PCDHB1: variants seen among roughly 807,000 people sequenced by gnomAD.
The protein encoded by PCDHB1 is protocadherin beta-1.
In PCDHB1, 44 loss-of-function variants were observed where a neutral mutation model predicts 43.5. The ratio of observed to expected loss-of-function variants is 1.01; its 90% CI spans 0.79 to 1.30. The LOEUF is 1.30. Ranked by LOEUF, PCDHB1 falls within the 50% of genes most tolerant of loss-of-function variation. The pLI, the probability that PCDHB1 is intolerant of heterozygous loss-of-function variation, is 0.00. For synonymous variants in PCDHB1, 392 were observed against 400.8 expected, an observed-to-expected ratio of 0.98 and a Z score of 0.26; for missense variants, 919 against 1,008.9, an observed-to-expected ratio of 0.91 and a Z score of 1.21.
Position 141,052,381 on chromosome 5 carries a change from G to C in PCDHB1, c.911G>C (p.Arg304Thr), listed in dbSNP as rs782718422. Reference protein sequence around the residue: ...IDPQNGEVRLRGPLDFEAIET... With the variant: ...IDPQNGEVRLTGPLDFEAIET... Reference sequence around the variant, plus strand: ...CCTCAAAATGGAGAAGTTCGACTAAGAGGACCCCTCGATTTTGAAGCCATT... The same window carrying C: ...CCTCAAAATGGAGAAGTTCGACTAACAGGACCCCTCGATTTTGAAGCCATT... Residue 304 changes from arginine to threonine, a missense_variant, in exon 1 of 1, where the codon AGA becomes ACA. Arg to Thr is a moderately conservative substitution (Grantham distance 71). Coordinates refer to ENST00000306549, the MANE Select transcript of PCDHB1 (RefSeq NM_013340.4). 5.0e-6 allele frequency: 8 copies of C among 1,614,092 alleles called. No individual in the cohort carries two copies. Among genetic ancestry groups the C allele is most frequent in the Admixed American group, 1.7e-5 (1 of 60,006 alleles).
In PCDHB1 at chr5:141,054,174, G is replaced by A. The variant is rs1751073313; in HGVS notation, c.*247G>A. Reference sequence around the variant, plus strand: ...CAGTTGGAATTCTGTTTAAAGAAATGTCACCCTCTATAAATGCATATGTGG... The same window carrying A: ...CAGTTGGAATTCTGTTTAAAGAAATATCACCCTCTATAAATGCATATGTGG... On this transcript the variant is annotated 3_prime_UTR_variant, in exon 1 of 1. Transcript: ENST00000306549. 7.1e-6 allele frequency: 3 copies of A among 422,108 alleles called. No individual in the cohort carries two copies. Among genetic ancestry groups the A allele is most frequent in the Admixed American group, 7.6e-5 (2 of 26,224 alleles). The allele number at this position is 422,108 out of a possible 1,614,324, so 26.1% of individuals were successfully genotyped here.
chr5:141,051,808 C>T lies in PCDHB1; in HGVS notation c.338C>T (p.Pro113Leu), dbSNP rs1750979596. 9.3e-6 allele frequency: 15 copies of T among 1,614,202 alleles called. No homozygotes were observed. Among genetic ancestry groups the T allele is most frequent in the Non-Finnish European group, 1.3e-5 (15 of 1,180,042 alleles). ...VLHFEVVLVEPLQSFRAEVRV... is the reference protein window; with the variant it reads ...VLHFEVVLVELLQSFRAEVRV... The stretch of plus-strand genomic sequence containing the variant: ...CACTTTGAAGTAGTCCTGGTGGAGC[C>T]GCTGCAGTCCTTCCGGGCCGAGGTC... Residue 113 changes from proline (P) to leucine (L), a missense_variant, in exon 1 of 1, where the codon CCG becomes CTG. By Grantham distance (98) the Pro-to-Leu change is moderately conservative (BLOSUM62 -3). Transcript: ENST00000306549.
chr5:141,051,410 A>G lies in PCDHB1; in HGVS notation c.-61A>G. ...AGCTGTTGCAGTAACCTGTTGCAGA[A>G]AAGTGAAAGTATATCCGCAACAGTT... On this transcript the variant is annotated 5_prime_UTR_variant, in exon 1 of 1. Transcript: ENST00000306549. The G allele has an allele frequency of 6.4e-7, 1 of 1,568,592 alleles. No homozygotes were observed. Among genetic ancestry groups the G allele is most frequent in the Non-Finnish European group, 8.7e-7 (1 of 1,147,744 alleles).
chr5:141,058,823 A>G lies in PCDHB1; in HGVS notation c.*4896A>G, dbSNP rs1751183042. 1 of 152,134 alleles carries G rather than the reference A, an allele frequency of 6.6e-6. No individual in the cohort carries two copies. The highest frequency in any genetic ancestry group is 1.5e-5 in the Non-Finnish European group (1 of 67,998). 9.4% of individuals were successfully genotyped at this position (152,134 alleles called of 1,614,324 possible). A position where few individuals can be genotyped will look rare whatever the true frequency, so the allele number is the denominator to read the frequency against. On this transcript the variant is annotated 3_prime_UTR_variant, in exon 1 of 1. Coordinates refer to ENST00000306549, the MANE Select transcript of PCDHB1 (RefSeq NM_013340.4). The stretch of plus-strand genomic sequence containing the variant: ...TTTACATTAATTAAAATTCTTCTGG[A>G]AGGAAAACTTGTTACTTTCCCCCCC...
rs1369465967 is a variant in PCDHB1, at chr5:141,055,084, A to G, written c.*1157A>G. 6.6e-6 allele frequency: 1 copy of G among 152,180 alleles called. No individual in the cohort carries two copies. Among genetic ancestry groups the G allele is most frequent in the Non-Finnish European group, 1.5e-5 (1 of 68,054 alleles). 9.4% of individuals were successfully genotyped at this position (152,180 alleles called of 1,614,324 possible). Reference sequence around the variant, plus strand: ...GATGTCTATCCTTGCAGTCCCAGAGAAAATCTATTTGAAAAAACGGAAATG... The same window carrying G: ...GATGTCTATCCTTGCAGTCCCAGAGGAAATCTATTTGAAAAAACGGAAATG... On this transcript the variant is annotated 3_prime_UTR_variant, in exon 1 of 1. Transcript: ENST00000306549.
chr5:141,054,223 C>T lies in PCDHB1; in HGVS notation c.*296C>T, dbSNP rs920405942. On this transcript the variant is annotated 3_prime_UTR_variant, in exon 1 of 1. Coordinates refer to ENST00000306549, the MANE Select transcript of PCDHB1 (RefSeq NM_013340.4). ...GGTAGGAACTTCTGCTTTTCCATCT[C>T]TGTGCTAGCAAGTAATGAATAAGCC... is the stretch of plus-strand genomic sequence containing the variant. The T allele has an allele frequency of 3.4e-6, 1 of 293,208 alleles. No individual in the cohort carries two copies. The highest frequency in any genetic ancestry group is 2.1e-5 in the African/African-American group (1 of 47,514). 18.2% of individuals were successfully genotyped at this position (293,208 alleles called of 1,614,324 possible).
At position 141,052,718 on chromosome 5, in the gene PCDHB1, AG is replaced by A. The variant is rs782049373; in HGVS notation, c.1250del (p.Gly417AlafsTer21). 7 of 1,614,070 alleles carry A rather than the reference AG, an allele frequency of 4.3e-6. No individual in the cohort carries two copies. The African/African-American group carries it at 9.3e-5, about 22-fold the overall frequency. Reference sequence around the variant, plus strand: ...GAAGCTTGGATCGGGAGGAGGTCTCAGGCTATAATATCACCATTGTTGCCAT... The same window carrying A: ...GAAGCTTGGATCGGGAGGAGGTCTCAGCTATAATATCACCATTGTTGCCAT... Reference protein sequence around the residue: ...DRSLDREEVSGYNITIVAMDT... With the variant: ...DRSLDREEVSXYNITIVAMDT... On this transcript the variant is annotated frameshift_variant, in exon 1 of 1. Coordinates refer to ENST00000306549, the MANE Select transcript of PCDHB1 (RefSeq NM_013340.4). LOFTEE classifies it high-confidence loss of function.
rs898858370 is a variant in PCDHB1 at position 141,053,624 on chromosome 5, T to G, written c.2154T>G (p.Ile718Met). ...TCATTATACATGTCTACCAAAAGAT[T>G]AAATATAGAGAAAAGTTCACAATTC... ...VIFIIHVYQK[I>M]KYREKFTIQE... Residue 718 changes from isoleucine (I) to methionine (M), a missense_variant, in exon 1 of 1, where the codon ATT becomes ATG. Coordinates refer to ENST00000306549, the MANE Select transcript of PCDHB1 (RefSeq NM_013340.4). 1.9e-6 allele frequency: 3 copies of G among 1,613,870 alleles called. No homozygotes were observed. Among genetic ancestry groups the G allele is most frequent in the Non-Finnish European group, 2.5e-6 (3 of 1,179,850 alleles).
Position 141,051,620 on chromosome 5 carries a change from G to A in PCDHB1, c.150G>A (p.Lys50=), listed in dbSNP as rs34007324. Residue 50 remains lysine, a synonymous_variant, in exon 1 of 1, where the codon AAG becomes AAA. Transcript: ENST00000306549. ...ESGSFVANVA[K]DLGLEVGKLA... is the part of the protein sequence containing the mutation. ...GCTCGTTTGTGGCCAACGTAGCTAA[G>A]GACCTAGGACTGGAGGTAGGGAAGC... 4.0e-5 allele frequency: 64 copies of A among 1,614,238 alleles called. No individual in the cohort carries two copies. In the African/African-American group the frequency reaches 8.0e-4, roughly 20 times the overall value.
Position 141,051,451 on chromosome 5 carries a change from G to C in PCDHB1, c.-20G>C. On this transcript the variant is annotated 5_prime_UTR_variant, in exon 1 of 1. Coordinates refer to ENST00000306549, the MANE Select transcript of PCDHB1 (RefSeq NM_013340.4). ...CGCAACAGTTGGCTCTGATTGCAGAGAGCGCGCTTGTGAGAACTGATGGCG... is the reference window on the plus strand; with the variant it reads ...CGCAACAGTTGGCTCTGATTGCAGACAGCGCGCTTGTGAGAACTGATGGCG... The C allele has an allele frequency of 6.2e-7, 1 of 1,611,754 alleles. No individual in the cohort carries two copies. Among genetic ancestry groups the C allele is most frequent in the Non-Finnish European group, 8.5e-7 (1 of 1,177,978 alleles).
At position 141,054,057 on chromosome 5, in the gene PCDHB1, T is replaced by C; in HGVS notation, c.*130T>C. ...TTAGTAAAGATAAGAGTACTTAGTT[T>C]GGTGAAAATGGGAAACCTAGAGTGA... On this transcript the variant is annotated 3_prime_UTR_variant, in exon 1 of 1. Transcript: ENST00000306549. 1 of 751,140 alleles carries C rather than the reference T, an allele frequency of 1.3e-6. No homozygotes were observed. The highest frequency in any genetic ancestry group is 2.1e-6 in the Non-Finnish European group (1 of 472,080). The allele number at this position is 751,140 out of a possible 1,614,324, so 46.5% of individuals were successfully genotyped here.
Position 141,053,583 on chromosome 5 carries a change from T to C in PCDHB1, c.2113T>C (p.Ser705Pro). 1.2e-6 allele frequency: 2 copies of C among 1,613,992 alleles called. No individual in the cohort carries two copies. Among genetic ancestry groups the C allele is most frequent in the South Asian group, 1.1e-5 (1 of 91,088 alleles). The change falls in exon 1 of 1, where the codon TCT (serine) becomes CCT (proline). Residue 705 changes from serine (S) to proline (P), a missense_variant. By Grantham distance (74) the Ser-to-Pro change is moderately conservative. Coordinates refer to ENST00000306549, the MANE Select transcript of PCDHB1 (RefSeq NM_013340.4). ...LVILSFLFLL[S>P]VIVIFIIHVY... ...CATCCTTTCCTTTCTCTTTCTCCTCTCTGTCATAGTGATCTTCATTATACA... is the reference window on the plus strand; with the variant it reads ...CATCCTTTCCTTTCTCTTTCTCCTCCCTGTCATAGTGATCTTCATTATACA...
In PCDHB1 at chr5:141,052,351, T is replaced by C. The variant is rs782420091; in HGVS notation, c.881T>C (p.Ile294Thr). ...NPEAILKTFQ[I>T]DPQNGEVRLR... ...GAAGCAATTCTCAAGACGTTTCAGA[T>C]TGACCCTCAAAATGGAGAAGTTCGA... The change falls in exon 1 of 1, where the codon ATT (isoleucine) becomes ACT (threonine). Residue 294 changes from isoleucine to threonine, a missense_variant. Physicochemically the swap from Ile to Thr is moderately conservative, Grantham distance 89. Coordinates refer to ENST00000306549, the MANE Select transcript of PCDHB1 (RefSeq NM_013340.4). 12 of 1,614,240 alleles carry C rather than the reference T, an allele frequency of 7.4e-6. No homozygotes were observed. Among genetic ancestry groups the C allele is most frequent in the South Asian group, 6.6e-5 (6 of 91,088 alleles).
rs1298033255 is a variant in PCDHB1 at position 141,052,563 on chromosome 5, G to C, written c.1093G>C (p.Val365Leu). The C allele has an allele frequency of 3.7e-6, 6 of 1,614,198 alleles. No individual in the cohort carries two copies. Among genetic ancestry groups the C allele is most frequent in the Non-Finnish European group, 5.1e-6 (6 of 1,180,024 alleles). ...CCCTGAAGACTCACCACCACAGACA[G>C]TAGTAGCCCTTTTCACTATCAGAGA... is the stretch of plus-strand genomic sequence containing the variant. ...PLPEDSPPQTVVALFTIRDRD... is the reference protein window; with the variant it reads ...PLPEDSPPQTLVALFTIRDRD... Residue 365 changes from valine (V) to leucine (L), a missense_variant, in exon 1 of 1, where the codon GTA (valine) becomes CTA (leucine). Coordinates refer to ENST00000306549, the MANE Select transcript of PCDHB1 (RefSeq NM_013340.4).
chr5:141,051,411 A>C lies in PCDHB1; in HGVS notation c.-60A>C. ...GCTGTTGCAGTAACCTGTTGCAGAA[A>C]AGTGAAAGTATATCCGCAACAGTTG... On this transcript the variant is annotated 5_prime_UTR_variant, in exon 1 of 1. Coordinates refer to ENST00000306549, the MANE Select transcript of PCDHB1 (RefSeq NM_013340.4). 1 of 1,574,188 alleles carries C rather than the reference A, an allele frequency of 6.4e-7. No individual in the cohort carries two copies. Among genetic ancestry groups the C allele is most frequent in the Non-Finnish European group, 8.7e-7 (1 of 1,152,448 alleles).
In PCDHB1 at chr5:141,053,872, G is replaced by C; in HGVS notation, c.2402G>C (p.Arg801Thr). ...TCCAGTTTGCCCCCAAATTCTGATA[G>C]GAATAAGTCTCAGAGATTAGAGGGC... is the stretch of plus-strand genomic sequence containing the variant. ...AGSSLPPNSD[R>T]NKSQRLEGHD... Residue 801 changes from arginine (R) to threonine (T), a missense_variant, in exon 1 of 1, where the codon AGG (arginine) becomes ACG (threonine). Coordinates refer to ENST00000306549, the MANE Select transcript of PCDHB1 (RefSeq NM_013340.4). The C allele has an allele frequency of 6.2e-7, 1 of 1,614,166 alleles. No homozygotes were observed.
At position 141,054,973 on chromosome 5, in the gene PCDHB1, G is replaced by A. The variant is rs1751099771; in HGVS notation, c.*1046G>A. On this transcript the variant is annotated 3_prime_UTR_variant, in exon 1 of 1. Coordinates refer to ENST00000306549, the MANE Select transcript of PCDHB1 (RefSeq NM_013340.4). ...GGAAACCCAAAGCACTGGGATTACA[G>A]GCATAAGCCACCACGCCCAGCCAGA... The A allele has an allele frequency of 6.6e-6, 1 of 152,210 alleles. No individual in the cohort carries two copies. The highest frequency in any genetic ancestry group is 6.6e-5 in the Admixed American group (1 of 15,264). 9.4% of individuals were successfully genotyped at this position (152,210 alleles called of 1,614,324 possible).
rs1382592051 is a variant in PCDHB1, at chr5:141,056,056, C to A, written c.*2129C>A. The A allele has an allele frequency of 6.8e-6, 1 of 148,024 alleles. No homozygotes were observed. The highest frequency in any genetic ancestry group is 2.6e-5 in the African/African-American group (1 of 38,914). 9.2% of individuals were successfully genotyped at this position (148,024 alleles called of 1,614,324 possible). On this transcript the variant is annotated 3_prime_UTR_variant, in exon 1 of 1. Coordinates refer to ENST00000306549, the MANE Select transcript of PCDHB1 (RefSeq NM_013340.4). ...CTCCAGCCTGGGCAAAAGAGTGAAA[C>A]CTCATCTCAAAAAAAAAAAAAGTGT...
Position 141,052,077 on chromosome 5 carries a change from G to C in PCDHB1, c.607G>C (p.Glu203Gln). ...GGTGCTGAACAAACCCCTGGACCGA[G>C]AGGAGCAGCCTGAAGTCAACTTGAC... is the stretch of plus-strand genomic sequence containing the variant. Reference protein sequence around the residue: ...ELVLNKPLDREEQPEVNLTIT... With the variant: ...ELVLNKPLDRQEQPEVNLTIT... Residue 203 changes from glutamate to glutamine, a missense_variant, in exon 1 of 1, where the codon GAG (glutamate) becomes CAG (glutamine). Physicochemically the swap from Glu to Gln is conservative, Grantham distance 29 (BLOSUM62 2). Transcript: ENST00000306549. 2 of 1,614,164 alleles carry C rather than the reference G, an allele frequency of 1.2e-6. No homozygotes were observed. Among genetic ancestry groups the C allele is most frequent in the Non-Finnish European group, 1.7e-6 (2 of 1,180,036 alleles).
Sources: gnomAD v4.1 joint callset for allele counts on GRCh38, gnomAD v4.1.1 for gene constraint, MANE v1.5 for transcripts, NCBI Gene and HGNC (gene_info 2026-07-23, HGNC 2026-07-21) for gene names.